AKT3: variants seen among roughly 807,000 people sequenced by gnomAD.
AKT3 encodes RAC-gamma serine/threonine-protein kinase.
Under a neutral mutation model 65.3 loss-of-function variants are expected in AKT3, and 15 were observed. That is an observed-to-expected ratio of 0.23 (90% CI 0.15 to 0.35). The LOEUF is 0.35. Ranked by LOEUF, AKT3 falls within the 10% of genes least tolerant of loss-of-function variation. The pLI, the probability that AKT3 is intolerant of heterozygous loss-of-function variation, is 1.00. For missense variants in AKT3, 243 were observed against 576.5 expected (o/e 0.42, Z 5.92); for synonymous variants, 206 against 183.8 (o/e 1.12, Z -0.98).
rs1271189568 is a variant in AKT3 at position 243,619,823 on chromosome 1, G to A, written c.562-4662C>T. Among the ~76,000 whole-genome samples, 4 of 93,624 alleles carry A rather than the reference G, an allele frequency of 4.3e-5. 1 individual carries two copies. Among genetic ancestry groups the A allele is most frequent in the Non-Finnish European group, 6.0e-5 (2 of 33,228 alleles). 61.4% of individuals were successfully genotyped at this position (93,624 alleles called of 152,430 possible). ...AACCTAAGGGTGTAGATGTCTCCCC[G>A]ATATGATGATTTCCTTTGTTTTGGA... On this transcript the variant is annotated intron_variant, in intron 6 of 13. Coordinates refer to ENST00000673466, the MANE Select transcript of AKT3 (RefSeq NM_005465.7).
chr1:243,587,661 T>C (rs1465354761), intron 8 of AKT3, among the ~76,000 whole-genome samples: 3 of 152,020 alleles, frequency 2.0e-5, no homozygotes, highest in African/African-American at 7.3e-5. Flanking sequence ...ATAGAAGCCA[T>C]CTTCTACACA....
chr1:243,700,715 G>A (rs922748805), intron 2 of AKT3, among the ~76,000 whole-genome samples: 2 of 152,046 alleles, frequency 1.3e-5, no homozygotes, highest in Non-Finnish European at 2.9e-5. Flanking sequence ...TGTTGGCCAG[G>A]ATGGTCTCGA....
At chr1:243,842,619 T>A (rs1020747306) in intron 2 of AKT3, among the ~76,000 whole-genome samples, 1 of 152,180 alleles carries the variant, frequency 6.6e-6, no homozygotes, top group Non-Finnish European at 1.5e-5. Flanking sequence ...TTGTCCTCAT[T>A]TGGCCTTTTA....
At chr1:243,575,505 T>C (rs1243364076) in intron 8 of AKT3, among the ~76,000 whole-genome samples, 2 of 152,160 alleles carry the variant, frequency 1.3e-5, no homozygotes, top group East Asian at 3.8e-4. Flanking sequence ...ATATCAATCA[T>C]AACTCAATAA....
intron 4 of AKT3, among the ~76,000 whole-genome samples, chr1:243,656,954 G>A (rs1190105232): frequency 6.6e-6 from 1 of 152,220 alleles, no homozygotes; most frequent in Non-Finnish European, 1.5e-5. Context: ...TATGTGCTAT[G>A]ATCAAAATTA....
chr1:243,738,490 A>C (rs1320088927), intron 2 of AKT3, among the ~76,000 whole-genome samples: 1 of 152,224 alleles, frequency 6.6e-6, no homozygotes, highest in Non-Finnish European at 1.5e-5. Context: ...GGTGTCTAGT[A>C]AACCTTCACA....
At chr1:243,619,360 A>C (rs1678573499) in intron 6 of AKT3, among the ~76,000 whole-genome samples, 1 of 152,126 alleles carries the variant, frequency 6.6e-6, no homozygotes, top group African/African-American at 2.4e-5. Flanking sequence ...TTTATGCTGG[A>C]GACATTCAAA....
chr1:243,658,794 G>A (rs1347750717), intron 4 of AKT3, among the ~76,000 whole-genome samples: 9 of 150,546 alleles, frequency 6.0e-5, no homozygotes, highest in Non-Finnish European at 1.3e-4. Flanking sequence ...AATTCCAGCC[G>A]AGGGAGGAGT....
intron 2 of AKT3, among the ~76,000 whole-genome samples, chr1:243,800,495 G>A (rs759369616): frequency 3.9e-5 from 6 of 152,124 alleles, no homozygotes; most frequent in African/African-American, 9.7e-5. Flanking sequence ...CAAGGTGGGC[G>A]GATCACGAGG....
chr1:243,581,633 T>C (rs1233452084), intron 8 of AKT3, among the ~76,000 whole-genome samples: 1 of 152,020 alleles, frequency 6.6e-6, no homozygotes, highest in Non-Finnish European at 1.5e-5. Flanking sequence ...TTACAAGTGT[T>C]AGGGTCTCCA....
chr1:243,544,401 T>A (rs903319270), intron 12 of AKT3, among the ~76,000 whole-genome samples: 2 of 151,922 alleles, frequency 1.3e-5, no homozygotes, highest in South Asian at 4.2e-4. Context: ...GGAGAGAGGA[T>A]TGTTTGAGCC....
At chr1:243,849,526 G>A (rs1695666723) in intron 1 of AKT3, among the ~76,000 whole-genome samples, 2 of 151,674 alleles carry the variant, frequency 1.3e-5, no homozygotes, top group African/African-American at 2.4e-5. Flanking sequence ...CAGCGCCAGG[G>A]CGCGCGGCAG....
At chr1:243,729,883 C>A (rs1006120628) in intron 2 of AKT3, among the ~76,000 whole-genome samples, 2 of 152,186 alleles carry the variant, frequency 1.3e-5, no homozygotes, top group African/African-American at 2.4e-5. Flanking sequence ...AATTTACTTT[C>A]ATCTTGCCTG....
intron 8 of AKT3, among the ~76,000 whole-genome samples, chr1:243,607,191 G>A (rs950446459): frequency 6.6e-6 from 1 of 152,172 alleles, no homozygotes; most frequent in African/African-American, 2.4e-5. Flanking sequence ...TGTGAGAAGA[G>A]GGTCACTGTC....
At chr1:243,659,634 G>GA (rs979004196) in intron 4 of AKT3, among the ~76,000 whole-genome samples, 7 of 152,022 alleles carry the variant, frequency 4.6e-5, no homozygotes, top group African/African-American at 7.2e-5. Context: ...CAATCAGTGA[G>GA]AAAAAAATGG....
At chr1:243,623,761 A>G (rs564598919) in intron 6 of AKT3, among the ~76,000 whole-genome samples, 1 of 152,328 alleles carries the variant, frequency 6.6e-6, no homozygotes, top group Admixed American at 6.5e-5. Context: ...CAAGGTCTCC[A>G]GCTTCCAGAT....
chr1:243,768,101 T>G (rs977714251), intron 2 of AKT3, among the ~76,000 whole-genome samples: 7 of 150,892 alleles, frequency 4.6e-5, no homozygotes, highest in Non-Finnish European at 8.9e-5. Flanking sequence ...ATATTTAGAA[T>G]CAAAAAATAA....
intron 8 of AKT3, among the ~76,000 whole-genome samples, chr1:243,601,485 G>A (rs1335056414): frequency 6.6e-6 from 1 of 152,060 alleles, no homozygotes; most frequent in Non-Finnish European, 1.5e-5. Context: ...ATGCAAAATG[G>A]TATGGCTGAT....
At chr1:243,756,420 G>A (rs1292746722) in intron 2 of AKT3, among the ~76,000 whole-genome samples, 3 of 152,170 alleles carry the variant, frequency 2.0e-5, no homozygotes, top group African/African-American at 7.2e-5. Flanking sequence ...GGTGCTCAGA[G>A]AATGATGGGG....
Sources: gnomAD v4.1 joint callset for allele counts (sites outside exome capture counted in the v4.1 genomes callset) on GRCh38, gnomAD v4.1.1 for gene constraint, MANE v1.5 for transcripts, NCBI Gene and HGNC (gene_info 2026-07-23, HGNC 2026-07-21) for gene names.